TDRD12: variants seen among roughly 807,000 people sequenced by gnomAD.
TDRD12 encodes putative ATP-dependent RNA helicase TDRD12.
A neutral mutation model predicts 133.5 loss-of-function variants in TDRD12; 158 were observed. The observed-to-expected ratio is 1.18, with a 90% CI of 1.04 to 1.35. The LOEUF (loss-of-function observed/expected upper bound fraction) is 1.35. TDRD12 is among the 40% of genes most tolerant of loss of function. The pLI is 0.00. For synonymous variants in TDRD12, 460 were observed against 477.9 expected, an observed-to-expected ratio of 0.96 and a Z score of 0.49; for missense variants, 1,443 against 1,321.3, an observed-to-expected ratio of 1.09 and a Z score of -1.43.
chr19:32,729,778 C>CTTTTTTTTT lies in TDRD12; in HGVS notation c.25-1927_25-1919dup, dbSNP rs1162347194. Among the ~76,000 whole-genome samples the CTTTTTTTTT allele has an allele frequency of 1.5e-3, 113 of 73,698 alleles. 3 individuals are homozygous for CTTTTTTTTT. The highest frequency in any genetic ancestry group is 1.7e-3 in the Non-Finnish European group (68 of 40,946). The allele number at this position is 73,698 out of a possible 152,430, so 48.3% of individuals were successfully genotyped here. ...TTTCTGGTGACTACTTTTTCTTTTTCTTTTTTTTTTTTTTTTTTTTTTTTT... is the reference window on the plus strand; with the variant it reads ...TTTCTGGTGACTACTTTTTCTTTTTCTTTTTTTTTTTTTTTTTTTTTTTTTTTTTTTTTT... On this transcript the variant is annotated intron_variant, in intron 1 of 27. Transcript: ENST00000444215.
At chr19:32,767,098 T>TTATG (rs1970320440) in intron 8 of TDRD12, among the ~76,000 whole-genome samples, 1 of 54,852 alleles carries the variant, frequency 1.8e-5, no homozygotes, top group South Asian at 4.5e-4. Context: ...TGCATTTTAT[T>TTATG]TATTTATTTA....
rs572470856 is a variant in TDRD12 at position 32,777,175 on chromosome 19, A to G, written c.1067A>G (p.Lys356Arg). Residue 356 changes from lysine to arginine, a missense_variant, in exon 11 of 28, where the codon AAA (lysine) becomes AGA (arginine). Physicochemically the swap from Lys to Arg is conservative, Grantham distance 26. Coordinates refer to ENST00000444215, the Ensembl canonical transcript of TDRD12. ...GCTTTAAGTCAGAAGTCAAATGAGA[A>G]ACCTCTTAGATTGACTGAGAAGAAA... 28 of 1,541,088 alleles carry G rather than the reference A, an allele frequency of 1.8e-5. No homozygotes were observed. In the South Asian group the frequency reaches 2.6e-4, roughly 14 times the overall value.
intron 1 of TDRD12, among the ~76,000 whole-genome samples, chr19:32,724,285 T>C (rs1342723621): frequency 6.6e-6 from 1 of 152,222 alleles, no homozygotes; most frequent in Non-Finnish European, 1.5e-5. Flanking sequence ...GTTACATAGA[T>C]AGACATGTGC....
intron 11 of TDRD12, among the ~76,000 whole-genome samples, chr19:32,783,762 TTGTCTGTTATTGG>T (rs1484854878): frequency 6.6e-6 from 1 of 151,526 alleles, no homozygotes; most frequent in Admixed American, 6.6e-5. Flanking sequence ...TGGACTCTGT[TTGTCTGTTATTGG>T]TGTATAGGAA....
intron 25 of TDRD12, 44 bp downstream of exon 25, chr19:32,813,820 C>T (rs771370012): frequency 5.4e-5 from 60 of 1,119,076 alleles, no homozygotes; most frequent in Admixed American, 2.8e-4. Context: ...TTTGAATGGG[C>T]GGCTAAAATT....
exon 9 of TDRD12, chr19:32,772,823 T>C (rs1568469465): frequency 6.6e-7 from 1 of 1,505,408 alleles, no homozygotes; most frequent in Non-Finnish European, 8.9e-7. Context: ...AGAAACACCA[T>C]TGCATCTCTT....
At chr19:32,731,361 C>G (rs1969045777) in intron 1 of TDRD12, among the ~76,000 whole-genome samples, 1 of 151,760 alleles carries the variant, frequency 6.6e-6, no homozygotes, top group Non-Finnish European at 1.5e-5. Flanking sequence ...TTGAGACTAG[C>G]CTGGGCAAAA....
chr19:32,826,473 G>A, exon 9 of TDRD12: 3 of 1,250,126 alleles, frequency 2.4e-6, no homozygotes, highest in Non-Finnish European at 3.0e-6. Flanking sequence ...ATTTTACCTG[G>A]CTGATCTGGA....
At chr19:32,738,260 G>A (rs143267680) in intron 2 of TDRD12, among the ~76,000 whole-genome samples, 2 of 152,324 alleles carry the variant, frequency 1.3e-5, no homozygotes, top group Non-Finnish European at 2.9e-5. Context: ...GAAGGTAAAT[G>A]AATGCATTTT....
At chr19:32,757,858 A>C (rs1970040773) in intron 8 of TDRD12, among the ~76,000 whole-genome samples, 2 of 152,212 alleles carry the variant, frequency 1.3e-5, no homozygotes, top group South Asian at 4.1e-4. Flanking sequence ...ATAGTAAACC[A>C]CAACTACATT....
At chr19:32,780,556 A>T (rs948602515) in intron 11 of TDRD12, among the ~76,000 whole-genome samples, 3 of 152,100 alleles carry the variant, frequency 2.0e-5, no homozygotes, top group Admixed American at 1.3e-4. Flanking sequence ...GTGAGAACGC[A>T]GCTCTGTTGT....
In TDRD12 at chr19:32,826,836, GGTGGAA is replaced by G. The variant is rs780163084; in HGVS notation, c.1049+244_1049+249del. The G allele has an allele frequency of 1.5e-3, 1,214 of 824,274 alleles. 1 individual carries two copies. Among genetic ancestry groups the G allele is most frequent in the Non-Finnish European group, 1.8e-3 (1,127 of 616,318 alleles). 51.1% of individuals were successfully genotyped at this position (824,274 alleles called of 1,614,324 possible). ...ATCACCCACTTAGGAATTCAGCCTTGGTGGAAGTGGACCGTTCATGTCAAGCCCTGA... is the reference window on the plus strand; with the variant it reads ...ATCACCCACTTAGGAATTCAGCCTTGGTGGACCGTTCATGTCAAGCCCTGA... On this transcript the variant is annotated intron_variant, in intron 9 of 9. Coordinates refer to the TDRD12 transcript ENST00000637289.
chr19:32,741,202 C>G (rs1198346256), intron 3 of TDRD12, among the ~76,000 whole-genome samples: 1 of 152,230 alleles, frequency 6.6e-6, no homozygotes, highest in Non-Finnish European at 1.5e-5. Context: ...CTGCCTCAGT[C>G]TCCCGAGTAG....
intron 11 of TDRD12, among the ~76,000 whole-genome samples, chr19:32,785,588 G>T (rs2145644516): frequency 6.6e-6 from 1 of 152,198 alleles, no homozygotes; most frequent in East Asian, 1.9e-4. Flanking sequence ...ATTATTGTGT[G>T]GGAGTCTAGA....
chr19:32,777,862 T>A (rs1201258802), intron 11 of TDRD12, among the ~76,000 whole-genome samples: 1 of 32,124 alleles, frequency 3.1e-5, no homozygotes, highest in Non-Finnish European at 5.8e-5. Context: ...TATATATTTT[T>A]TTTTTTTTTT....
intron 4 of TDRD12, among the ~76,000 whole-genome samples, chr19:32,746,250 CTG>C (rs991083977): frequency 1.7e-5 from 2 of 119,870 alleles, no homozygotes; most frequent in Non-Finnish European, 3.4e-5. Context: ...TGTGGTTATT[CTG>C]TGTGTGTGAG....
At chr19:32,730,456 T>TGAA (rs1195122827) in intron 1 of TDRD12, among the ~76,000 whole-genome samples, 2 of 152,172 alleles carry the variant, frequency 1.3e-5, no homozygotes, top group Non-Finnish European at 2.9e-5. Flanking sequence ...CTTCACTGCC[T>TGAA]TCAAATAGTC....
chr19:32,764,919 A>T (rs1599555700), intron 8 of TDRD12, among the ~76,000 whole-genome samples: 1 of 152,226 alleles, frequency 6.6e-6, no homozygotes, highest in African/African-American at 2.4e-5. Flanking sequence ...GCTTCTGCAC[A>T]GCAAAAGAAA....
exon 2 of TDRD12, chr19:32,731,763 G>A: frequency 6.4e-7 from 1 of 1,550,628 alleles, no homozygotes; most frequent in Non-Finnish European, 8.7e-7. Context: ...TTATAAAAGG[G>A]TGTAGTCCCT....
Sources: allele counts gnomAD v4.1 joint callset (sites outside exome capture counted in the v4.1 genomes callset), GRCh38; gene constraint gnomAD v4.1.1; transcripts MANE v1.5; gene names NCBI Gene and HGNC (gene_info 2026-07-23, HGNC 2026-07-21).